PHF19: variants seen among roughly 807,000 people sequenced by gnomAD.
PHF19 encodes the protein PHD finger protein 19.
PHF19 carries 21 observed loss-of-function variants against 79.8 expected under a neutral mutation model. The observed-to-expected ratio is 0.26, with a 90% CI of 0.19 to 0.38. PHF19 has a LOEUF of 0.38. PHF19 is among the 10% of genes least tolerant of loss of function. PHF19 has a pLI of 1.00. For synonymous variants in PHF19, 273 were observed against 296.3 expected, an observed-to-expected ratio of 0.92 and a Z score of 0.81; for missense variants, 445 against 744.2, an observed-to-expected ratio of 0.60 and a Z score of 4.68.
intron 1 of PHF19, chr9:120,894,645 G>T: frequency 3.4e-6 from 1 of 296,398 alleles, no homozygotes; most frequent in Non-Finnish European, 6.1e-6. Flanking sequence ...GCCGGCGCCT[G>T]CGAGCCAGGG....
At chr9:120,890,967 A>T (rs549441858) in intron 1 of PHF19, among the ~76,000 whole-genome samples, 1 of 152,130 alleles carries the variant, frequency 6.6e-6, no homozygotes, top group South Asian at 2.1e-4. Flanking sequence ...CCTTTAACCC[A>T]GGTGCGACAA....
chr9:120,873,864 G>C (rs1275126224), intron 3 of PHF19, 115 bp downstream of exon 3: 3 of 675,790 alleles, frequency 4.4e-6, no homozygotes, highest in Non-Finnish European at 8.1e-6. Context: ...GGGGTTCATG[G>C]TCAAGGGCAG....
intron 1 of PHF19, among the ~76,000 whole-genome samples, chr9:120,884,168 A>T (rs532943785): frequency 6.6e-6 from 1 of 152,364 alleles, no homozygotes; most frequent in South Asian, 2.1e-4. Flanking sequence ...TTAGGTCTAC[A>T]TACTACATTC....
chr9:120,874,857 G>A lies in PHF19; in HGVS notation c.-15-101C>T, dbSNP rs1458701273. ...ACCATTTCTGTACCCTGTGCTATAA[G>A]CCAGACTTGGTTATTATCTCACTGA... On this transcript the variant is annotated intron_variant, in intron 1 of 14. Transcript: ENST00000373896. This position sits in a 1 kb window ranked among gnomAD's most constrained non-coding sequence, Gnocchi z 4.5. The A allele has an allele frequency of 4.3e-6, 3 of 690,530 alleles. No individual in the cohort carries two copies. The highest frequency in any genetic ancestry group is 7.4e-6 in the Non-Finnish European group (3 of 403,592). The allele number at this position is 690,530 out of a possible 1,614,324, so 42.8% of individuals were successfully genotyped here.
upstream of PHF19, among the ~76,000 whole-genome samples, chr9:120,878,303 T>C (rs2046122140): frequency 6.6e-6 from 1 of 151,846 alleles, no homozygotes. Flanking sequence ...TGGGCAGAGC[T>C]CCAATCATAG....
rs1185425088 is a variant in PHF19, at chr9:120,877,093, C to G, written c.-18G>C. On this transcript the variant is annotated splice_region_variant and 5_prime_UTR_variant, in exon 1 of 15. Transcript: ENST00000373896. The stretch of plus-strand genomic sequence containing the variant: ...CCGCCCAACAGCGCAGAACTCACCG[C>G]GAGGCTGCGTGTCCGCCGGTCCCAC... The G allele has an allele frequency of 1.2e-5, 12 of 985,146 alleles. No homozygotes were observed. Among genetic ancestry groups the G allele is most frequent in the Non-Finnish European group, 1.4e-5 (12 of 829,856 alleles). 61.0% of individuals were successfully genotyped at this position (985,146 alleles called of 1,614,324 possible). A position where few individuals can be genotyped will look rare whatever the true frequency, so the allele number is the denominator to read the frequency against.
Position 120,874,997 on chromosome 9 carries a change from A to C in PHF19, c.-15-241T>G, listed in dbSNP as rs1324714418. Among the ~76,000 whole-genome samples, 1 of 152,226 alleles carries C rather than the reference A, an allele frequency of 6.6e-6. No individual in the cohort carries two copies. The highest frequency in any genetic ancestry group is 1.5e-5 in the Non-Finnish European group (1 of 68,036). On this transcript the variant is annotated intron_variant, in intron 1 of 14. Transcript: ENST00000373896. The surrounding 1 kb of genome is among the most constrained non-coding windows in gnomAD (Gnocchi z 4.5). Reference sequence around the variant, plus strand: ...GGCCAAAGGCAGAGCCATGGCCCATACCACACTACCTTTTAAAGAGAATGG... The same window carrying C: ...GGCCAAAGGCAGAGCCATGGCCCATCCCACACTACCTTTTAAAGAGAATGG...
rs1452673069 is a variant in PHF19, at chr9:120,860,974, AG to A, written c.1304+114del. ...TTATGCTGAAAGCTCTACTGCAAAA[AG>A]CCCCTTCAGACAGACCTGCACAGCA... On this transcript the variant is annotated intron_variant, in intron 13 of 14. Coordinates refer to ENST00000373896, the MANE Select transcript of PHF19 (RefSeq NM_015651.3). This position sits in a 1 kb window ranked among gnomAD's most constrained non-coding sequence, Gnocchi z 4.1. 4.2e-6 allele frequency: 3 copies of A among 716,352 alleles called. No individual in the cohort carries two copies. In the East Asian group the frequency reaches 7.5e-5, roughly 18 times the overall value. 44.4% of individuals were successfully genotyped at this position (716,352 alleles called of 1,614,324 possible). A position where few individuals can be genotyped will look rare whatever the true frequency, so the allele number is the denominator to read the frequency against.
chr9:120,862,864 CG>C lies in PHF19; in HGVS notation c.969-116del. 1.0e-6 allele frequency: 1 copy of C among 988,816 alleles called. No homozygotes were observed. Among genetic ancestry groups the C allele is most frequent in the Non-Finnish European group, 1.6e-6 (1 of 639,746 alleles). 61.3% of individuals were successfully genotyped at this position (988,816 alleles called of 1,614,324 possible). On this transcript the variant is annotated intron_variant, in intron 10 of 14. Coordinates refer to ENST00000373896, the MANE Select transcript of PHF19 (RefSeq NM_015651.3). The surrounding 1 kb of genome is among the most constrained non-coding windows in gnomAD (Gnocchi z 4.6). ...CCTCCTTGGACCCAGAGCTAAAATC[CG>C]GATGGTCTCTGCAGATGCTGACTTC...
chr9:120,888,472 C>T lies in PHF19; in HGVS notation c.42+6316G>A, dbSNP rs764006940. Among the ~76,000 whole-genome samples the T allele has an allele frequency of 6.6e-4, 101 of 152,332 alleles. 1 individual carries two copies. The highest frequency in any genetic ancestry group is 2.1e-3 in the African/African-American group (88 of 41,572). Reference sequence around the variant, plus strand: ...ACTGGGTCTATCTGCTGTGATAATTCTCAGGCCTTGGCAAGAGAGGCTATG... The same window carrying T: ...ACTGGGTCTATCTGCTGTGATAATTTTCAGGCCTTGGCAAGAGAGGCTATG... On this transcript the variant is annotated intron_variant, in intron 1 of 14. Coordinates refer to the PHF19 transcript ENST00000616568.
At chr9:120,889,260 C>G (rs962251049) in intron 1 of PHF19, among the ~76,000 whole-genome samples, 1 of 151,998 alleles carries the variant, frequency 6.6e-6, no homozygotes, top group African/African-American at 2.4e-5. Flanking sequence ...ATCTCGTCTC[C>G]ATTAAAAATA....
chr9:120,861,282 C>G (rs1418238561), intron 12 of PHF19, 108 bp from the exon 13 acceptor site: 5 of 765,896 alleles, frequency 6.5e-6, no homozygotes, highest in Admixed American at 1.8e-5. Context: ...TGGGCCCTCC[C>G]TAGGGTAAGA....
In PHF19 at chr9:120,856,305, G is replaced by A. The variant is rs1376311066; in HGVS notation, c.*1639C>T. ...ATGGGGGGGCATCTAAACTATCTCA[G>A]GGACCCCCTGAACGCTCACAGGTAG... On this transcript the variant is annotated 3_prime_UTR_variant, in exon 15 of 15. Transcript: ENST00000373896. 6.5e-6 allele frequency: 1 copy of A among 152,692 alleles called. No homozygotes were observed. The highest frequency in any genetic ancestry group is 2.4e-5 in the African/African-American group (1 of 41,428). 9.5% of individuals were successfully genotyped at this position (152,692 alleles called of 1,614,324 possible).
intron 1 of PHF19, among the ~76,000 whole-genome samples, chr9:120,884,138 GTCT>G (rs904670224): frequency 1.4e-4 from 22 of 152,150 alleles, no homozygotes; most frequent in African/African-American, 5.3e-4. Context: ...GAGATATTTT[GTCT>G]TCTTGTTTTT....
In PHF19 at chr9:120,864,889, T is replaced by C. The variant is rs2045652223; in HGVS notation, c.901-773A>G. Among the ~76,000 whole-genome samples, 3 of 152,280 alleles carry C rather than the reference T, an allele frequency of 2.0e-5. No individual in the cohort carries two copies. The South Asian group carries it at 6.2e-4, about 32-fold the overall frequency. On this transcript the variant is annotated intron_variant, in intron 9 of 14. Coordinates refer to ENST00000373896, the MANE Select transcript of PHF19 (RefSeq NM_015651.3). ...TCTGGGTGGCGTGATATGGATTTTT[T>C]AAAAAGTATACTTCCTTATACTTTT...
Position 120,860,222 on chromosome 9 carries a change from G to A in PHF19, c.1305-37C>T, listed in dbSNP as rs772248508. On this transcript the variant is annotated intron_variant, in intron 13 of 14. Transcript: ENST00000373896. The surrounding 1 kb of genome is among the most constrained non-coding windows in gnomAD (Gnocchi z 4.1). The stretch of plus-strand genomic sequence containing the variant: ...AAGACCGTGAGCCTGCTGGTGGCCC[G>A]GCCCAGCAAGTTCCTGCCAACCTGG... 22 of 1,210,028 alleles carry A rather than the reference G, an allele frequency of 1.8e-5. No homozygotes were observed. The Admixed American group carries it at 2.3e-4, about 13-fold the overall frequency. The allele number at this position is 1,210,028 out of a possible 1,614,324, so 75.0% of individuals were successfully genotyped here.
chr9:120,858,680 C>T (rs1187522987), intron 14 of PHF19, among the ~76,000 whole-genome samples: 7 of 152,172 alleles, frequency 4.6e-5, no homozygotes, highest in African/African-American at 9.6e-5. Context: ...TGAGGCCATG[C>T]AGTGCAGAGG....
At chr9:120,868,854 C>T in intron 6 of PHF19, 1 of 1,087,408 alleles carries the variant, frequency 9.2e-7, no homozygotes, top group Non-Finnish European at 1.1e-6. Flanking sequence ...AGGCCCGCCT[C>T]CCGAGGCCTC....
chr9:120,879,808 A>C (rs1397194744), upstream of PHF19, among the ~76,000 whole-genome samples: 4 of 152,208 alleles, frequency 2.6e-5, no homozygotes, highest in Non-Finnish European at 5.9e-5. Context: ...GGGCTGACCA[A>C]CAATCCAATT....
Sources: gnomAD v4.1 joint callset for allele counts (sites outside exome capture counted in the v4.1 genomes callset) on GRCh38, gnomAD v4.1.1 for gene constraint, Gnocchi (gnomAD v3.1) non-coding constraint, MANE v1.5 for transcripts, NCBI Gene and HGNC (gene_info 2026-07-23, HGNC 2026-07-21) for gene names.